Variants in KLHL8 observed in about 807,000 individuals in gnomAD.
KLHL8 encodes kelch like family member 8, also known as kelch-like protein 8.
KLHL8 carries 38 observed loss-of-function variants against 63.5 expected under a neutral mutation model. The ratio of observed to expected loss-of-function variants is 0.60; its 90% CI spans 0.46 to 0.78. KLHL8 has a LOEUF of 0.78. Among genes scored for constraint, KLHL8 ranks in the 30% least tolerant of loss-of-function variants. KLHL8 has a pLI of 0.00. For missense variants in KLHL8, 566 were observed against 752.4 expected (o/e 0.75, Z 2.90); for synonymous variants, 224 against 254.3 (o/e 0.88, Z 1.13).
intron 2 of KLHL8, among the ~76,000 whole-genome samples, chr4:87,187,706 T>C (rs999969952): frequency 6.6e-6 from 1 of 152,146 alleles, no homozygotes; most frequent in African/African-American, 2.4e-5. Flanking sequence ...ACTTTTATGG[T>C]TTTATGTTTT....
chr4:87,213,061 A>G (rs1030189772), intron 1 of KLHL8, among the ~76,000 whole-genome samples: 1 of 152,158 alleles, frequency 6.6e-6, no homozygotes, highest in African/African-American at 2.4e-5. Flanking sequence ...TTTTCACTAC[A>G]CTGAATACTT....
chr4:87,234,897 C>G (rs1733200699), intron 1 of KLHL8, among the ~76,000 whole-genome samples: 1 of 151,942 alleles, frequency 6.6e-6, no homozygotes, highest in Non-Finnish European at 1.5e-5. Flanking sequence ...CTAATGTGTG[C>G]TTGTGTCTTC....
intron 2 of KLHL8, among the ~76,000 whole-genome samples, chr4:87,186,159 C>T (rs186703183): frequency 1.2e-4 from 18 of 152,076 alleles, no homozygotes; most frequent in Admixed American, 9.8e-4. Context: ...CTGCCTCAGC[C>T]TACCAAGTAG....
intron 2 of KLHL8, among the ~76,000 whole-genome samples, chr4:87,188,983 T>G (rs1296456952): frequency 3.3e-5 from 5 of 152,238 alleles, no homozygotes; most frequent in Non-Finnish European, 7.3e-5. Flanking sequence ...GACAATTAAA[T>G]TTAACGGAGT....
intron 6 of KLHL8, among the ~76,000 whole-genome samples, chr4:87,173,102 C>T (rs955415883): frequency 6.6e-6 from 1 of 152,100 alleles, no homozygotes. Context: ...TCTCTTTCAT[C>T]GCCTGGTTTT....
At chr4:87,181,814 A>G (rs1323505359) in intron 4 of KLHL8, among the ~76,000 whole-genome samples, 1 of 152,190 alleles carries the variant, frequency 6.6e-6, no homozygotes, top group Non-Finnish European at 1.5e-5. Flanking sequence ...ACTGTCTAGT[A>G]TATTTTGGCA....
intron 1 of KLHL8, among the ~76,000 whole-genome samples, chr4:87,228,590 C>T (rs577886095): frequency 1.3e-5 from 2 of 152,180 alleles, no homozygotes; most frequent in Non-Finnish European, 2.9e-5. Context: ...TGCCAAGTGG[C>T]CTGCCCAGCC....
intron 5 of KLHL8, 25 bp downstream of exon 5, chr4:87,178,452 A>C (rs1446255679): frequency 1.9e-6 from 3 of 1,579,626 alleles, no homozygotes; most frequent in African/African-American, 2.7e-5. Context: ...TGATCATATG[A>C]TATTTCAGAC....
chr4:87,181,067 G>A (rs1395809283), intron 4 of KLHL8, among the ~76,000 whole-genome samples: 1 of 151,852 alleles, frequency 6.6e-6, no homozygotes, highest in Non-Finnish European at 1.5e-5. Flanking sequence ...AAAAAAGTTG[G>A]AAGAAACTGT....
intron 1 of KLHL8, among the ~76,000 whole-genome samples, chr4:87,231,817 C>T (rs1384828209): frequency 5.3e-5 from 8 of 152,046 alleles, no homozygotes; most frequent in Non-Finnish European, 7.4e-5. Flanking sequence ...AGGCTGGTCT[C>T]GAACTCCTGA....
Position 87,188,788 on chromosome 4 carries a change from G to T in KLHL8, c.217-2989C>A, listed in dbSNP as rs565878141. On this transcript the variant is annotated intron_variant, in intron 2 of 9. Transcript: ENST00000273963. ...AAAATGAAAGGAATCAAAGTCTAAAGACCTGATGTTTAAAATTGGATGAAA... is the reference window on the plus strand; with the variant it reads ...AAAATGAAAGGAATCAAAGTCTAAATACCTGATGTTTAAAATTGGATGAAA... 5.4e-4 allele frequency among the ~76,000 whole-genome samples: 82 copies of T among 152,264 alleles called. No individual in the cohort carries two copies. In the South Asian group the frequency reaches 7.9e-3, roughly 15 times the overall value.
intron 1 of KLHL8, among the ~76,000 whole-genome samples, chr4:87,230,755 T>C (rs1476672091): frequency 6.6e-6 from 1 of 152,196 alleles, no homozygotes; most frequent in Non-Finnish European, 1.5e-5. Flanking sequence ...GTGATCAGAA[T>C]TGTAATCTTC....
chr4:87,206,493 C>T (rs775989211), intron 1 of KLHL8, among the ~76,000 whole-genome samples: 2 of 152,256 alleles, frequency 1.3e-5, no homozygotes, highest in Admixed American at 6.5e-5. Flanking sequence ...AACCACTGTG[C>T]ACCACCTATT....
chr4:87,177,060 T>C (rs1730849165), intron 5 of KLHL8, among the ~76,000 whole-genome samples, 192 bp from the exon 6 acceptor site: 1 of 152,216 alleles, frequency 6.6e-6, no homozygotes, highest in Non-Finnish European at 1.5e-5. Flanking sequence ...GCACTAAACA[T>C]GCTGTTCTAC....
At chr4:87,227,084 T>C (rs989822343) in intron 1 of KLHL8, among the ~76,000 whole-genome samples, 4 of 141,786 alleles carry the variant, frequency 2.8e-5, no homozygotes, top group Non-Finnish European at 6.0e-5. Context: ...CTGAAAAGTT[T>C]ATTTTTTGAT....
At chr4:87,176,616 A>C in intron 6 of KLHL8, 141 bp downstream of exon 6, 1 of 584,264 alleles carries the variant, frequency 1.7e-6, no homozygotes, top group Non-Finnish European at 3.0e-6. Flanking sequence ...ACAAAGTATC[A>C]CTTTGGACAT....
At chr4:87,230,028 C>G (rs149350363) in intron 1 of KLHL8, among the ~76,000 whole-genome samples, 153 of 152,296 alleles carry the variant, frequency 1.0e-3, no homozygotes, top group African/African-American at 3.5e-3. Context: ...TCAGTCAGGT[C>G]ACTGGCAGAA....
At chr4:87,190,817 T>C (rs1049717435) in intron 2 of KLHL8, among the ~76,000 whole-genome samples, 2 of 152,190 alleles carry the variant, frequency 1.3e-5, no homozygotes, top group African/African-American at 4.8e-5. Context: ...AGTTCACTGA[T>C]GCCAACTCTT....
intron 1 of KLHL8, chr4:87,207,045 A>T: frequency 7.9e-6 from 3 of 377,678 alleles, no homozygotes; most frequent in South Asian, 7.2e-5. Flanking sequence ...CATTTGACAC[A>T]CAGCTGCATC....
Sources: gnomAD v4.1 joint callset for allele counts (sites outside exome capture counted in the v4.1 genomes callset) on GRCh38, gnomAD v4.1.1 for gene constraint, MANE v1.5 for transcripts, NCBI Gene and HGNC (gene_info 2026-07-23, HGNC 2026-07-21) for gene names.